The following PCCA variants were observed in gnomAD, a reference collection of about 807,000 sequenced individuals.
PCCA encodes propionyl-CoA carboxylase alpha chain, mitochondrial.
Under a neutral mutation model 101.3 loss-of-function variants are expected in PCCA, and 74 were observed. The observed-to-expected ratio is 0.73, with a 90% confidence interval of 0.61 to 0.89. The LOEUF is 0.89. PCCA is among the 40% of genes least tolerant of loss of function. PCCA has a pLI of 0.00. For missense variants in PCCA, 891 were observed against 907.0 expected (o/e 0.98, Z 0.23); for synonymous variants, 294 against 313.6 (o/e 0.94, Z 0.66).
At chr13:100,340,433 T>G (rs879753873) in intron 18 of PCCA, among the ~76,000 whole-genome samples, 174 bp downstream of exon 18, 1 of 152,244 alleles carries the variant, frequency 6.6e-6, no homozygotes, top group Admixed American at 6.5e-5. Flanking sequence ...ACATTTTGTT[T>G]AAACAAGTTT....
chr13:100,325,512 T>C (rs2068566128), intron 16 of PCCA, among the ~76,000 whole-genome samples: 1 of 152,100 alleles, frequency 6.6e-6, no homozygotes. Flanking sequence ...AGGTTTTTAA[T>C]GCAGACGCAA....
intron 21 of PCCA, among the ~76,000 whole-genome samples, chr13:100,469,154 T>G (rs1046978462): frequency 2.8e-5 from 4 of 140,580 alleles, no homozygotes; most frequent in African/African-American, 1.1e-4. Context: ...GAGGTTGTGG[T>G]GAGCAAAGAT....
chr13:100,393,653 A>G (rs2076918983), intron 19 of PCCA, among the ~76,000 whole-genome samples: 1 of 151,998 alleles, frequency 6.6e-6, no homozygotes, highest in African/African-American at 2.4e-5. Context: ...TCTTGATCTC[A>G]TGATCTGTAC....
chr13:100,335,642 T>G (rs985525168), intron 17 of PCCA, among the ~76,000 whole-genome samples: 4 of 152,168 alleles, frequency 2.6e-5, no homozygotes, highest in African/African-American at 9.7e-5. Context: ...GATTCTTCTC[T>G]GCAGAGGATA....
chr13:100,433,262 T>TCGTG (rs564920411), intron 20 of PCCA, among the ~76,000 whole-genome samples: 102 of 152,366 alleles, frequency 6.7e-4, no homozygotes, highest in Admixed American at 1.7e-3. Flanking sequence ...AATTTCAGTT[T>TCGTG]CGTGCCATCT....
At chr13:100,094,538 G>A (rs867680520) in intron 1 of PCCA, among the ~76,000 whole-genome samples, 17 of 152,250 alleles carry the variant, frequency 1.1e-4, no homozygotes, top group Middle Eastern at 3.4e-3. Context: ...ATACAGTTTT[G>A]TGATTTCATT....
chr13:100,358,899 C>G (rs139834097), intron 18 of PCCA, among the ~76,000 whole-genome samples: 2,997 of 151,934 alleles, frequency 0.02, 102 homozygotes, highest in African/African-American at 0.069. Context: ...AGTTTGAGAC[C>G]AGCCTGGCCA....
intron 18 of PCCA, among the ~76,000 whole-genome samples, chr13:100,356,089 T>G (rs2152790153): frequency 6.6e-6 from 1 of 152,282 alleles, no homozygotes; most frequent in South Asian, 2.1e-4. Context: ...GTTGGTCTCC[T>G]TCCTCACACC....
At chr13:100,501,965 C>G (rs894327789) in intron 21 of PCCA, among the ~76,000 whole-genome samples, 1 of 152,114 alleles carries the variant, frequency 6.6e-6, no homozygotes, top group Admixed American at 6.5e-5. Flanking sequence ...GTTTTACTAG[C>G]CCTCCAGGCA....
At chr13:100,294,303 TG>T (rs995800900) in intron 12 of PCCA, among the ~76,000 whole-genome samples, 1 of 152,112 alleles carries the variant, frequency 6.6e-6, no homozygotes, top group African/African-American at 2.4e-5. Context: ...CATTCTGAGG[TG>T]GTGGGGCTAG....
At chr13:100,206,062 A>C (rs1043941920) in intron 6 of PCCA, among the ~76,000 whole-genome samples, 1 of 152,110 alleles carries the variant, frequency 6.6e-6, no homozygotes, top group Non-Finnish European at 1.5e-5. Context: ...GATTTGCATA[A>C]GATTTTTTTT....
chr13:100,466,554 T>G (rs1393053965), intron 21 of PCCA, among the ~76,000 whole-genome samples: 2 of 152,172 alleles, frequency 1.3e-5, no homozygotes, highest in Non-Finnish European at 2.9e-5. Flanking sequence ...CACTGCAAAG[T>G]CAAAGTACCC....
intron 16 of PCCA, among the ~76,000 whole-genome samples, chr13:100,324,565 T>A (rs1292774949): frequency 1.3e-5 from 2 of 152,138 alleles, no homozygotes; most frequent in African/African-American, 2.4e-5. Flanking sequence ...ATTATAAAAT[T>A]TACACAAATC....
intron 20 of PCCA, among the ~76,000 whole-genome samples, chr13:100,433,065 A>G (rs1018768189): frequency 5.9e-5 from 9 of 152,118 alleles, no homozygotes; most frequent in African/African-American, 2.2e-4. Context: ...GGTTGTTTCT[A>G]CCTTTTGGCT....
At chr13:100,321,870 A>C (rs902926656) in intron 16 of PCCA, among the ~76,000 whole-genome samples, 1 of 152,076 alleles carries the variant, frequency 6.6e-6, no homozygotes, top group African/African-American at 2.4e-5. Context: ...AGGATTTTCC[A>C]TATGGTTGTG....
chr13:100,099,061 T>C (rs2047028086), intron 1 of PCCA, among the ~76,000 whole-genome samples: 1 of 152,172 alleles, frequency 6.6e-6, no homozygotes, highest in South Asian at 2.1e-4. Context: ...TGAGATCATT[T>C]TATAGCTCCA....
chr13:100,491,139 T>G lies in PCCA; in HGVS notation c.1900-24288T>G, dbSNP rs2084876082. The G allele has an allele frequency of 1.3e-5, 2 of 152,344 alleles. 1 individual carries two copies. The highest frequency in any genetic ancestry group is 4.1e-4 in the South Asian group (2 of 4,860). The allele number at this position is 152,344 out of a possible 1,614,324, so 9.4% of individuals were successfully genotyped here. On this transcript the variant is annotated intron_variant, in intron 21 of 23. Coordinates refer to ENST00000376285, the MANE Select transcript of PCCA (RefSeq NM_000282.4). ...TTCAAACATTGTAAGAAATAGTCACTCATGTGATTGGTTTGTGTGCTTGGT... is the reference window on the plus strand; with the variant it reads ...TTCAAACATTGTAAGAAATAGTCACGCATGTGATTGGTTTGTGTGCTTGGT...
At position 100,384,520 on chromosome 13, in the gene PCCA, C is replaced by T. The variant is rs527662543; in HGVS notation, c.1746+15946C>T. 9.7e-4 allele frequency among the ~76,000 whole-genome samples: 147 copies of T among 152,206 alleles called. No individual in the cohort carries two copies. The Middle Eastern group carries it at 0.031, about 32-fold the overall frequency. On this transcript the variant is annotated intron_variant, in intron 19 of 23. Transcript: ENST00000376285. ...ATACATGCATTTTACATCATAATCT[C>T]TTTTATTCTATGAATAGAGCATAAT... is the stretch of plus-strand genomic sequence containing the variant.
intron 19 of PCCA, among the ~76,000 whole-genome samples, chr13:100,409,498 C>T (rs2077897821): frequency 6.6e-6 from 1 of 152,128 alleles, no homozygotes; most frequent in South Asian, 2.1e-4. Flanking sequence ...TTCTCACCCA[C>T]AGCTTAAATT....
Sources: allele counts gnomAD v4.1 joint callset (sites outside exome capture counted in the v4.1 genomes callset), GRCh38; gene constraint gnomAD v4.1.1; transcripts MANE v1.5; gene names NCBI Gene and HGNC (gene_info 2026-07-23, HGNC 2026-07-21).